Variants in LRP1B observed in about 807,000 individuals in gnomAD.
The protein encoded by LRP1B is low-density lipoprotein receptor-related protein 1B.
In LRP1B, 217 loss-of-function variants were observed where a neutral mutation model predicts 556.6. The ratio of observed to expected loss-of-function variants is 0.39; its 90% CI spans 0.35 to 0.44. The LOEUF (loss-of-function observed/expected upper bound fraction) is 0.44. LRP1B is among the 20% of genes least tolerant of loss of function. The pLI, the probability that LRP1B is intolerant of heterozygous loss-of-function variation, is 1.00. For synonymous variants in LRP1B, 2,047 were observed against 1,865.8 expected (o/e 1.10, Z -2.50); for missense variants, 5,053 against 5,620.8 (o/e 0.90, Z 3.23).
chr2:141,550,114 G>A (rs917649514), intron 2 of LRP1B, among the ~76,000 whole-genome samples: 1 of 152,164 alleles, frequency 6.6e-6, no homozygotes, highest in Non-Finnish European at 1.5e-5. Flanking sequence ...GGCTTCAATT[G>A]AAACTTCTCA....
chr2:140,327,681 A>C (rs2105068565), intron 79 of LRP1B, among the ~76,000 whole-genome samples: 1 of 152,188 alleles, frequency 6.6e-6, no homozygotes, highest in African/African-American at 2.4e-5. Context: ...TTTAGACTTA[A>C]AAACATTAAT....
At chr2:141,976,155 C>G (rs981245797) in intron 1 of LRP1B, among the ~76,000 whole-genome samples, 1 of 151,936 alleles carries the variant, frequency 6.6e-6, no homozygotes, top group African/African-American at 2.4e-5. Context: ...CTTGTTTCTC[C>G]TACACTGTCT....
At chr2:140,694,092 G>T (rs1686341117) in intron 41 of LRP1B, among the ~76,000 whole-genome samples, 1 of 152,110 alleles carries the variant, frequency 6.6e-6, no homozygotes, top group Admixed American at 6.6e-5. Flanking sequence ...TAAAAAATAT[G>T]CTATGTTTAG....
At position 141,471,553 on chromosome 2, in the gene LRP1B, C is replaced by T. The variant is rs183745366; in HGVS notation, c.343+8843G>A. On this transcript the variant is annotated intron_variant, in intron 3 of 90. Transcript: ENST00000389484. The stretch of plus-strand genomic sequence containing the variant: ...TTCTTCCTTTCCTCATTTGCCTACC[C>T]AATGCTTAGAGTGAGATGCCTGTCA... Among the ~76,000 whole-genome samples, 491 of 152,220 alleles carry T rather than the reference C, an allele frequency of 3.2e-3. 5 individuals are homozygous for T. The highest frequency in any genetic ancestry group is 9.7e-3 in the African/African-American group (404 of 41,554).
chr2:141,257,209 G>A (rs1002558697), intron 3 of LRP1B, among the ~76,000 whole-genome samples: 1 of 152,084 alleles, frequency 6.6e-6, no homozygotes, highest in Admixed American at 6.6e-5. Context: ...AGACAAAGGT[G>A]AATGTAATTA....
chr2:140,718,659 C>A lies in LRP1B; in HGVS notation c.5759-1843G>T, dbSNP rs565372768. ...ATAAGAATTTCTCTCCGCTGTCTCG[C>A]ACCAAACTCTCTAGTCACTTCCCAT... On this transcript the variant is annotated intron_variant, in intron 35 of 90. Transcript: ENST00000389484. Among the ~76,000 whole-genome samples the A allele has an allele frequency of 5.3e-5, 8 of 152,168 alleles. No homozygotes were observed. The East Asian group carries it at 1.5e-3, about 29-fold the overall frequency.
intron 1 of LRP1B, among the ~76,000 whole-genome samples, chr2:142,064,758 T>C (rs1042269619): frequency 4.6e-5 from 7 of 151,694 alleles, no homozygotes; most frequent in Admixed American, 6.6e-5. Flanking sequence ...TCTGTATCTA[T>C]CATTTTTTGT....
chr2:140,445,915 A>T (rs1686638426), intron 63 of LRP1B, among the ~76,000 whole-genome samples: 1 of 152,164 alleles, frequency 6.6e-6, no homozygotes, highest in African/African-American at 2.4e-5. Context: ...TTATTAGCTC[A>T]AATCAGTGAA....
chr2:140,673,996 T>C (rs150947997), intron 41 of LRP1B, among the ~76,000 whole-genome samples: 1,778 of 151,570 alleles, frequency 0.012, 14 homozygotes, highest in Middle Eastern at 0.024. Context: ...TCGCCCAGGC[T>C]GGAGTGCAAT....
intron 1 of LRP1B, among the ~76,000 whole-genome samples, chr2:141,983,752 A>T (rs1702107616): frequency 6.6e-6 from 1 of 152,168 alleles, no homozygotes; most frequent in Non-Finnish European, 1.5e-5. Context: ...CAATGGCAAT[A>T]AAAAAGATGA....
intron 1 of LRP1B, among the ~76,000 whole-genome samples, chr2:142,106,036 C>A (rs1257824725): frequency 6.6e-6 from 1 of 152,172 alleles, no homozygotes; most frequent in African/African-American, 2.4e-5. Flanking sequence ...ATACTCCCTG[C>A]TCTTCTCAAG....
chr2:141,383,831 G>A (rs181935972), intron 3 of LRP1B, among the ~76,000 whole-genome samples: 37 of 152,206 alleles, frequency 2.4e-4, no homozygotes, highest in African/African-American at 7.9e-4. Context: ...AGAGTAGAAC[G>A]GTATTTAACA....
intron 35 of LRP1B, among the ~76,000 whole-genome samples, chr2:140,761,100 T>G (rs1357889323): frequency 6.6e-6 from 1 of 152,212 alleles, no homozygotes; most frequent in Non-Finnish European, 1.5e-5. Flanking sequence ...TATTTAAGCT[T>G]TGTCTTTAAT....
chr2:141,964,599 A>G (rs1308919174), intron 1 of LRP1B, among the ~76,000 whole-genome samples: 1 of 152,024 alleles, frequency 6.6e-6, no homozygotes, highest in Non-Finnish European at 1.5e-5. Flanking sequence ...TCAATTCAAG[A>G]TGGATCAAAG....
At chr2:141,070,301 A>C (rs1307382849) in intron 7 of LRP1B, among the ~76,000 whole-genome samples, 1 of 150,396 alleles carries the variant, frequency 6.6e-6, no homozygotes, top group Non-Finnish European at 1.5e-5. Context: ...ATTCTTTGAA[A>C]CCAACGAGAA....
intron 7 of LRP1B, among the ~76,000 whole-genome samples, chr2:141,148,277 C>T (rs796968416): frequency 6.6e-6 from 1 of 152,296 alleles, no homozygotes; most frequent in East Asian, 1.9e-4. Context: ...ACATGCTGAT[C>T]TTTATGCCTG....
At chr2:142,130,315 T>G (rs1490063809) in intron 1 of LRP1B, among the ~76,000 whole-genome samples, 1 of 152,150 alleles carries the variant, frequency 6.6e-6, no homozygotes, top group African/African-American at 2.4e-5. Flanking sequence ...AGGGAAGTCT[T>G]TCGGAAATGC....
At chr2:140,785,619 T>C (rs1263918144) in intron 32 of LRP1B, among the ~76,000 whole-genome samples, 1 of 152,134 alleles carries the variant, frequency 6.6e-6, no homozygotes, top group Non-Finnish European at 1.5e-5. Flanking sequence ...GGAAGTATTC[T>C]CACTTACGAC....
intron 2 of LRP1B, among the ~76,000 whole-genome samples, chr2:141,538,888 A>G (rs1230021956): frequency 6.6e-6 from 1 of 152,096 alleles, no homozygotes; most frequent in Non-Finnish European, 1.5e-5. Context: ...ATCCCCCGGC[A>G]CTGGCCTCCC....
Sources: gnomAD v4.1 joint callset for allele counts (sites outside exome capture counted in the v4.1 genomes callset) on GRCh38, gnomAD v4.1.1 for gene constraint, MANE v1.5 for transcripts, NCBI Gene and HGNC (gene_info 2026-07-23, HGNC 2026-07-21) for gene names.